The following KDM4C variants were observed in gnomAD, a reference collection of about 807,000 sequenced individuals.
KDM4C encodes the protein lysine-specific demethylase 4C.
Under a neutral mutation model 129.3 loss-of-function variants are expected in KDM4C, and 81 were observed. That is an observed-to-expected ratio of 0.63 (90% CI 0.52 to 0.75). The LOEUF is 0.75. KDM4C is among the 30% of genes least tolerant of loss of function. KDM4C has a pLI of 0.00. For missense variants in KDM4C, 1,457 were observed against 1,304.0 expected, an observed-to-expected ratio of 1.12 and a Z score of -1.81; for synonymous variants, 573 against 456.1, an observed-to-expected ratio of 1.26 and a Z score of -3.26.
chr9:6,899,960 G>T (rs150167414), intron 8 of KDM4C, among the ~76,000 whole-genome samples: 1 of 152,236 alleles, frequency 6.6e-6, no homozygotes, highest in East Asian at 1.9e-4. Context: ...AAGTAAATTT[G>T]CCTTTTGAAT....
intron 1 of KDM4C, among the ~76,000 whole-genome samples, chr9:6,746,640 G>T (rs1817885447): frequency 6.6e-6 from 1 of 151,622 alleles, no homozygotes; most frequent in Admixed American, 6.6e-5. Context: ...AGCACTTTGG[G>T]ACACCAAGGT....
intron 4 of KDM4C, among the ~76,000 whole-genome samples, chr9:6,816,036 TC>T (rs1476719572): frequency 6.6e-6 from 1 of 152,156 alleles, no homozygotes; most frequent in Non-Finnish European, 1.5e-5. Flanking sequence ...ATTCAAATTT[TC>T]CCAGTAATGT....
In KDM4C at chr9:6,805,755, C is replaced by T. The variant is rs1829854365; in HGVS notation, c.301C>T (p.Gln101Ter). ...AGCGATGACTGTGAAGGAGTTCAGGCAGCTGGCCAACAGTGGCAAGTGAGT... is the reference window on the plus strand; with the variant it reads ...AGCGATGACTGTGAAGGAGTTCAGGTAGCTGGCCAACAGTGGCAAGTGAGT... The part of the protein sequence containing the change: ...KKAMTVKEFR[Q>*]LANSGKYCTP... The change falls in exon 3 of 22, where the codon CAG becomes TAG. Residue 101 changes from glutamine to a stop codon, truncating the protein, a stop_gained. Transcript: ENST00000381309. LOFTEE classifies it high-confidence loss of function. 6.2e-7 allele frequency: 1 copy of T among 1,612,438 alleles called. No homozygotes were observed. The highest frequency in any genetic ancestry group is 8.5e-7 in the Non-Finnish European group (1 of 1,179,566).
intron 3 of KDM4C, among the ~76,000 whole-genome samples, chr9:6,808,746 T>G (rs1022165187): frequency 3.4e-5 from 5 of 145,514 alleles, no homozygotes; most frequent in Non-Finnish European, 7.6e-5. Flanking sequence ...ATATTCTGTT[T>G]GTTACAAGCC....
intron 1 of KDM4C, among the ~76,000 whole-genome samples, chr9:6,721,632 A>C (rs1442853095): frequency 7.5e-6 from 1 of 132,472 alleles, no homozygotes; most frequent in African/African-American, 2.9e-5. Context: ...TCTTTTGCCC[A>C]GGCTGTAGTG....
intron 9 of KDM4C, 32 bp from the exon 10 acceptor site, chr9:6,984,134 C>T (rs778387918): frequency 5.6e-6 from 8 of 1,436,568 alleles, no homozygotes; most frequent in Non-Finnish European, 6.9e-6. Flanking sequence ...TTGCAGACAT[C>T]CCGCTCTGAC....
intron 8 of KDM4C, among the ~76,000 whole-genome samples, chr9:6,969,969 C>T (rs574543994): frequency 4.5e-4 from 68 of 152,328 alleles, no homozygotes; most frequent in African/African-American, 1.5e-3. Context: ...AAGCTACCGA[C>T]ACATTCCCAC....
At chr9:6,746,773 C>T (rs1357248944) in intron 1 of KDM4C, among the ~76,000 whole-genome samples, 11 of 149,188 alleles carry the variant, frequency 7.4e-5, no homozygotes, top group East Asian at 4.1e-4. Flanking sequence ...CTTTGGGAGG[C>T]GGAGGTGGGT....
intron 17 of KDM4C, among the ~76,000 whole-genome samples, chr9:7,098,666 C>T (rs1836726322): frequency 6.6e-6 from 1 of 152,162 alleles, no homozygotes; most frequent in Non-Finnish European, 1.5e-5. Flanking sequence ...TTCCTTCCCT[C>T]CCCAGCCACT....
intron 18 of KDM4C, among the ~76,000 whole-genome samples, chr9:7,107,036 A>G (rs10115436): frequency 2.6e-5 from 4 of 152,214 alleles, no homozygotes; most frequent in South Asian, 2.1e-4. Context: ...AATTTTTAGC[A>G]TGTGTTTGCC....
chr9:6,761,119 C>T (rs1819407292), intron 1 of KDM4C, among the ~76,000 whole-genome samples: 1 of 151,228 alleles, frequency 6.6e-6, no homozygotes, highest in Non-Finnish European at 1.5e-5. Flanking sequence ...AGGCGATTCT[C>T]CTGCCTCAGC....
intron 19 of KDM4C, among the ~76,000 whole-genome samples, chr9:7,135,121 A>C (rs1231870019): frequency 6.6e-6 from 1 of 152,174 alleles, no homozygotes; most frequent in East Asian, 1.9e-4. Context: ...CACTGACCCC[A>C]ATTCTGTAGG....
chr9:6,800,786 C>T (rs191750736), intron 2 of KDM4C, among the ~76,000 whole-genome samples: 2 of 152,030 alleles, frequency 1.3e-5, no homozygotes, highest in Admixed American at 1.3e-4. Flanking sequence ...GCCACCACAC[C>T]TGGCTAATTT....
At chr9:7,048,274 C>T (rs977465559) in intron 16 of KDM4C, among the ~76,000 whole-genome samples, 2 of 151,994 alleles carry the variant, frequency 1.3e-5, no homozygotes, top group African/African-American at 4.8e-5. Context: ...GAAGAATGCC[C>T]TGGTGGGATC....
rs186688918 is a variant in KDM4C, at chr9:6,872,320, C to T, written c.630-7692C>T. ...TAGAGTGGTTAGGACTTGTTATTGG[C>T]GGAGAAGATGAGAAATAAAGAGGTA... is the stretch of plus-strand genomic sequence containing the variant. On this transcript the variant is annotated intron_variant, in intron 5 of 21. Coordinates refer to ENST00000381309, the MANE Select transcript of KDM4C (RefSeq NM_015061.6). Among the ~76,000 whole-genome samples the T allele has an allele frequency of 5.8e-4, 88 of 152,058 alleles. 1 individual carries two copies. The highest frequency in any genetic ancestry group is 9.6e-4 in the African/African-American group (40 of 41,458).
chr9:7,021,303 C>G (rs1487474713), intron 15 of KDM4C, among the ~76,000 whole-genome samples: 1 of 151,890 alleles, frequency 6.6e-6, no homozygotes, highest in African/African-American at 2.4e-5. Context: ...TGCCACCATG[C>G]CCGGCTAATT....
intron 19 of KDM4C, among the ~76,000 whole-genome samples, chr9:7,132,985 T>C (rs1353044312): frequency 6.6e-6 from 1 of 152,206 alleles, no homozygotes; most frequent in African/African-American, 2.4e-5. Flanking sequence ...ATGAAAACAA[T>C]ACTCTTCAAG....
At chr9:6,889,225 G>A (rs1845748261) in intron 7 of KDM4C, among the ~76,000 whole-genome samples, 1 of 117,108 alleles carries the variant, frequency 8.5e-6, no homozygotes, top group Non-Finnish European at 1.8e-5. Context: ...GTGTGTGTGT[G>A]TGTGTGTGTG....
intron 8 of KDM4C, among the ~76,000 whole-genome samples, chr9:6,939,781 G>A (rs1419740213): frequency 3.3e-5 from 5 of 152,176 alleles, no homozygotes; most frequent in Admixed American, 6.5e-5. Context: ...AGATTATCAC[G>A]TGGGTGGTCA....
Sources: gnomAD v4.1 joint callset for allele counts (sites outside exome capture counted in the v4.1 genomes callset) on GRCh38, gnomAD v4.1.1 for gene constraint, MANE v1.5 for transcripts, NCBI Gene and HGNC (gene_info 2026-07-23, HGNC 2026-07-21) for gene names.